The following MNAT1 variants were observed in gnomAD, a reference collection of about 807,000 sequenced individuals.
The protein encoded by MNAT1 is MNAT1 component of CDK activating kinase.
Under a neutral mutation model 42.0 loss-of-function variants are expected in MNAT1, and 43 were observed. The observed-to-expected ratio is 1.02, with a 90% CI of 0.80 to 1.32. The LOEUF is 1.32. Among genes scored for constraint, MNAT1 ranks in the 40% most tolerant of loss-of-function variants. The pLI is 0.00. For synonymous variants in MNAT1, 118 were observed against 120.0 expected (o/e 0.98, Z 0.11); for missense variants, 306 against 350.4 (o/e 0.87, Z 1.01).
chr14:60,791,922 A>G (rs1036948980), intron 1 of MNAT1, among the ~76,000 whole-genome samples: 1 of 152,152 alleles, frequency 6.6e-6, no homozygotes, highest in Non-Finnish European at 1.5e-5. Context: ...TCATCAACTC[A>G]TGGTGACGGT....
intron 5 of MNAT1, among the ~76,000 whole-genome samples, chr14:60,818,243 A>G (rs1048709762): frequency 6.6e-6 from 1 of 152,012 alleles, no homozygotes; most frequent in Non-Finnish European, 1.5e-5. Flanking sequence ...AAAGGAGAAA[A>G]TAAATATACT....
At chr14:60,937,498 A>G (rs2036025818) in intron 7 of MNAT1, among the ~76,000 whole-genome samples, 1 of 152,168 alleles carries the variant, frequency 6.6e-6, no homozygotes, top group South Asian at 2.1e-4. Context: ...TCCTTTCCCC[A>G]TTTCTTGTTT....
At chr14:60,857,535 T>G (rs536468528) in intron 6 of MNAT1, among the ~76,000 whole-genome samples, 1 of 152,228 alleles carries the variant, frequency 6.6e-6, no homozygotes, top group South Asian at 2.1e-4. Flanking sequence ...CAACAAAGGG[T>G]TTAGAATATT....
chr14:60,962,839 G>A (rs2036619902), intron 7 of MNAT1, among the ~76,000 whole-genome samples: 1 of 152,184 alleles, frequency 6.6e-6, no homozygotes, highest in South Asian at 2.1e-4. Context: ...GTGTATTGAT[G>A]TAAATCTGAA....
At chr14:60,896,786 A>G (rs2139497415) in intron 7 of MNAT1, among the ~76,000 whole-genome samples, 1 of 152,264 alleles carries the variant, frequency 6.6e-6, no homozygotes, top group Non-Finnish European at 1.5e-5. Context: ...GCGCCTGGCC[A>G]TAACTACTAT....
intron 7 of MNAT1, among the ~76,000 whole-genome samples, chr14:60,909,007 T>C (rs2035281400): frequency 6.6e-6 from 1 of 152,324 alleles, no homozygotes; most frequent in South Asian, 2.1e-4. Context: ...TTTTTAATGA[T>C]TGCCATTCTA....
At chr14:60,925,230 C>G (rs2035743121) in intron 7 of MNAT1, among the ~76,000 whole-genome samples, 1 of 152,084 alleles carries the variant, frequency 6.6e-6, no homozygotes, top group African/African-American at 2.4e-5. Flanking sequence ...TATATGCTCC[C>G]TGGTGTCCAG....
chr14:60,901,967 AAAG>A (rs2035081428), intron 7 of MNAT1, among the ~76,000 whole-genome samples: 1 of 152,220 alleles, frequency 6.6e-6, no homozygotes, highest in Non-Finnish European at 1.5e-5. Context: ...TCTAATTTTT[AAAG>A]AAGTTCTGCT....
intron 1 of MNAT1, among the ~76,000 whole-genome samples, chr14:60,762,144 G>A (rs1020713455): frequency 3.9e-5 from 6 of 151,978 alleles, no homozygotes; most frequent in Non-Finnish European, 8.8e-5. Context: ...GCAAATTGCT[G>A]CTTTGATTTG....
intron 6 of MNAT1, among the ~76,000 whole-genome samples, chr14:60,840,755 C>A (rs1457602582): frequency 6.6e-6 from 1 of 152,138 alleles, no homozygotes; most frequent in Non-Finnish European, 1.5e-5. Flanking sequence ...CCTCTGCCTC[C>A]TGGGTTCAAG....
chr14:60,929,798 T>C (rs1053839587), intron 7 of MNAT1, among the ~76,000 whole-genome samples: 4 of 152,192 alleles, frequency 2.6e-5, no homozygotes, highest in African/African-American at 9.7e-5. Flanking sequence ...AGGAAACATT[T>C]TATATCTTTC....
chr14:60,879,622 G>A (rs1437369635), intron 6 of MNAT1, 92 bp from the exon 7 acceptor site: 11 of 1,281,218 alleles, frequency 8.6e-6, no homozygotes, highest in Non-Finnish European at 1.2e-5. Context: ...CTTCTAATGT[G>A]AGGAATTTAA....
At chr14:60,843,287 T>C (rs917539013) in intron 6 of MNAT1, among the ~76,000 whole-genome samples, 1 of 152,198 alleles carries the variant, frequency 6.6e-6, no homozygotes, top group African/African-American at 2.4e-5. Context: ...TTCTTTTCTT[T>C]TGGGATGGAG....
rs903842518 is a variant in MNAT1 at position 60,910,811 on chromosome 14, T to C, written c.809+30976T>C. On this transcript the variant is annotated intron_variant, in intron 7 of 7. Coordinates refer to ENST00000261245, the MANE Select transcript of MNAT1 (RefSeq NM_002431.4). ...TTTTTTGGTTGTGTCTCTGCCCGGC[T>C]TTGGTACCAGGATGATGCTGGCCTC... Among the ~76,000 whole-genome samples the C allele has an allele frequency of 3.3e-5, 5 of 152,242 alleles. No individual in the cohort carries two copies. In the East Asian group the frequency reaches 7.7e-4, roughly 23 times the overall value.
At chr14:60,741,663 T>TTTTTG (rs1896466252) in intron 1 of MNAT1, among the ~76,000 whole-genome samples, 1 of 145,226 alleles carries the variant, frequency 6.9e-6, no homozygotes, top group Non-Finnish European at 1.5e-5. Flanking sequence ...CTGGGGTTTT[T>TTTTTG]TTTTTTTTTT....
rs529918278 is a variant in MNAT1, at chr14:60,890,348, T to A, written c.809+10513T>A. Among the ~76,000 whole-genome samples, 3 of 152,194 alleles carry A rather than the reference T, an allele frequency of 2.0e-5. 1 individual carries two copies. The South Asian group carries it at 6.2e-4, about 31-fold the overall frequency. ...TTGGTATGTTGTTGATTGCATCTCT[T>A]CATCTGAGATACTGGCTTTTAGTTT... is the stretch of plus-strand genomic sequence containing the variant. On this transcript the variant is annotated intron_variant, in intron 7 of 7. Transcript: ENST00000261245.
intron 7 of MNAT1, among the ~76,000 whole-genome samples, chr14:60,922,336 T>C (rs2035678805): frequency 6.6e-6 from 1 of 152,138 alleles, no homozygotes; most frequent in Non-Finnish European, 1.5e-5. Context: ...GATAGGAGAA[T>C]AGCAGGTGTG....
intron 7 of MNAT1, among the ~76,000 whole-genome samples, chr14:60,906,635 T>TC (rs1333585467): frequency 1.3e-5 from 2 of 152,188 alleles, no homozygotes; most frequent in African/African-American, 4.8e-5. Context: ...AAATGGTTGC[T>TC]CCTAGGGTTT....
At chr14:60,906,734 A>T (rs1185915451) in intron 7 of MNAT1, among the ~76,000 whole-genome samples, 3 of 152,238 alleles carry the variant, frequency 2.0e-5, no homozygotes, top group Non-Finnish European at 4.4e-5. Flanking sequence ...AGTCTTTTTA[A>T]AATGAACATG....
Sources: gnomAD v4.1 joint callset for allele counts (sites outside exome capture counted in the v4.1 genomes callset) on GRCh38, gnomAD v4.1.1 for gene constraint, MANE v1.5 for transcripts, NCBI Gene and HGNC (gene_info 2026-07-23, HGNC 2026-07-21) for gene names.